The following EBF2 variants were observed in gnomAD, a reference collection of about 807,000 sequenced individuals.
EBF2 encodes the protein transcription factor COE2.
Under a neutral mutation model 72.8 loss-of-function variants are expected in EBF2, and 21 were observed. The observed-to-expected ratio is 0.29, with a 90% CI of 0.20 to 0.42. The LOEUF (loss-of-function observed/expected upper bound fraction) is 0.42, where lower values mean the gene tolerates loss of function less well. EBF2 is among the 10% of genes least tolerant of loss of function. The probability of loss-of-function intolerance (pLI) is 1.00; values close to 1 mark genes in which losing one functional copy is unlikely to be tolerated. For missense variants in EBF2, 637 were observed against 731.2 expected (o/e 0.87, Z 1.49); for synonymous variants, 299 against 274.2 (o/e 1.09, Z -0.89).
chr8:26,038,681 G>A (rs555711113), intron 5 of EBF2, among the ~76,000 whole-genome samples: 1 of 152,122 alleles, frequency 6.6e-6, no homozygotes, highest in Non-Finnish European at 1.5e-5. Context: ...TCTATCAAAC[G>A]TCCCTGAGAT....
At chr8:25,875,220 G>A (rs1802503296) in intron 10 of EBF2, among the ~76,000 whole-genome samples, 1 of 152,216 alleles carries the variant, frequency 6.6e-6, no homozygotes, top group Non-Finnish European at 1.5e-5. Flanking sequence ...CCCCAGAGCT[G>A]CATGTATCCT....
intron 7 of EBF2, among the ~76,000 whole-genome samples, chr8:25,893,387 AG>A (rs1802816539): frequency 6.7e-6 from 1 of 150,046 alleles, no homozygotes; most frequent in Non-Finnish European, 1.5e-5. Context: ...CCCAGGTTCA[AG>A]CGATTCTCCT....
At chr8:26,004,830 G>A (rs1407857777) in intron 6 of EBF2, among the ~76,000 whole-genome samples, 13 of 151,802 alleles carry the variant, frequency 8.6e-5, no homozygotes, top group Non-Finnish European at 1.5e-5. Flanking sequence ...ACTTCCAAAT[G>A]GTGACTTCGT....
At chr8:25,857,917 A>G (rs575136462) in intron 14 of EBF2, 6 of 349,418 alleles carry the variant, frequency 1.7e-5, no homozygotes, top group Admixed American at 1.2e-4. Context: ...CAGCAAAGCC[A>G]AACTTCCTTG....
At chr8:25,954,518 C>T (rs1803912937) in intron 6 of EBF2, among the ~76,000 whole-genome samples, 1 of 152,228 alleles carries the variant, frequency 6.6e-6, no homozygotes, top group Non-Finnish European at 1.5e-5. Flanking sequence ...ACAAATGCCT[C>T]AAGCTCTGAG....
At chr8:26,043,797 G>T (rs368090008) in intron 1 of EBF2, among the ~76,000 whole-genome samples, 3 of 152,166 alleles carry the variant, frequency 2.0e-5, no homozygotes, top group Non-Finnish European at 4.4e-5. Flanking sequence ...CGGCTCTTTG[G>T]GGGTAGAAGG....
chr8:25,922,345 G>C (rs966186709), intron 6 of EBF2, among the ~76,000 whole-genome samples: 3 of 151,802 alleles, frequency 2.0e-5, no homozygotes, highest in Non-Finnish European at 4.4e-5. Flanking sequence ...CTAAAAATTA[G>C]CATTTATTTT....
chr8:26,019,919 C>A (rs1458903425), intron 6 of EBF2, among the ~76,000 whole-genome samples: 2 of 152,116 alleles, frequency 1.3e-5, no homozygotes, highest in Admixed American at 1.3e-4. Flanking sequence ...AGTGGGGAGG[C>A]ACAGCTCCAC....
chr8:25,907,064 G>A (rs1198533175), intron 7 of EBF2, among the ~76,000 whole-genome samples: 2 of 151,982 alleles, frequency 1.3e-5, no homozygotes, highest in Admixed American at 1.3e-4. Flanking sequence ...AAGCTCTCCA[G>A]CAGGACCAGC....
intron 6 of EBF2, among the ~76,000 whole-genome samples, chr8:25,997,130 T>C (rs949495420): frequency 6.6e-6 from 1 of 152,092 alleles, no homozygotes; most frequent in Non-Finnish European, 1.5e-5. Flanking sequence ...TTGCAGGTGG[T>C]GTGGTGTGGT....
chr8:26,038,153 A>G (rs1331864650), intron 5 of EBF2, among the ~76,000 whole-genome samples: 2 of 152,212 alleles, frequency 1.3e-5, no homozygotes, highest in Non-Finnish European at 2.9e-5. Flanking sequence ...AATATTTGCC[A>G]TTACCCATCT....
rs565514490 is a variant in EBF2 at position 26,033,294 on chromosome 8, T to C, written c.483-141A>G. On this transcript the variant is annotated intron_variant, in intron 5 of 15. Coordinates refer to ENST00000520164, the MANE Select transcript of EBF2 (RefSeq NM_022659.4). ...TGTAGTACAATGGCTTGATGCCTCC[T>C]TCTTGGCTCACCACAACCTCTGCCT... 371 of 753,536 alleles carry C rather than the reference T, an allele frequency of 4.9e-4. 1 individual carries two copies. In the African/African-American group the frequency reaches 5.2e-3, roughly 11 times the overall value. 46.7% of individuals were successfully genotyped at this position (753,536 alleles called of 1,614,324 possible).
At chr8:25,908,697 C>G (rs1212844736) in intron 6 of EBF2, 142 bp from the exon 7 acceptor site, 1 of 630,134 alleles carries the variant, frequency 1.6e-6, no homozygotes, top group African/African-American at 1.8e-5. Flanking sequence ...TGAAGGAACA[C>G]TGCTGACCCT....
At chr8:25,854,874 A>G (rs1165889794) in intron 14 of EBF2, among the ~76,000 whole-genome samples, 3 of 152,214 alleles carry the variant, frequency 2.0e-5, no homozygotes, top group African/African-American at 7.2e-5. Context: ...TCTGAACATG[A>G]TGTAGGAATC....
At chr8:25,867,209 G>A (rs967019083) in intron 10 of EBF2, among the ~76,000 whole-genome samples, 1 of 152,200 alleles carries the variant, frequency 6.6e-6, no homozygotes, top group Admixed American at 6.5e-5. Flanking sequence ...GCATGGCTCT[G>A]TCCAACTAAT....
rs114988183 is a variant in EBF2 at position 25,895,139 on chromosome 8, G to C, written c.634-5270C>G. 7.6e-3 allele frequency among the ~76,000 whole-genome samples: 1,162 copies of C among 152,214 alleles called. 14 individuals carry two copies. The highest frequency in any genetic ancestry group is 0.026 in the African/African-American group (1,096 of 41,530). ...CAGTTTTCATTTATTTCTTAGAGTT[G>C]ATACATCTGTATTACAGCTCAAAGC... On this transcript the variant is annotated intron_variant, in intron 7 of 15. Coordinates refer to ENST00000520164, the MANE Select transcript of EBF2 (RefSeq NM_022659.4).
intron 6 of EBF2, among the ~76,000 whole-genome samples, chr8:25,991,117 A>G (rs1313221731): frequency 1.3e-5 from 2 of 152,064 alleles, no homozygotes; most frequent in Non-Finnish European, 2.9e-5. Flanking sequence ...AAAAAAATAA[A>G]AAAAAAGGAG....
intron 6 of EBF2, among the ~76,000 whole-genome samples, chr8:26,028,203 T>C (rs565302539): frequency 6.6e-6 from 1 of 152,350 alleles, no homozygotes; most frequent in South Asian, 2.1e-4. Context: ...CTTCAGTTTA[T>C]TCAGATCTTT....
intron 9 of EBF2, 71 bp from the exon 10 acceptor site, chr8:25,886,952 A>G: frequency 6.5e-7 from 1 of 1,528,286 alleles, no homozygotes; most frequent in Non-Finnish European, 8.8e-7. Context: ...AAGGTGTACA[A>G]CATCTCCCAC....
Sources: gnomAD v4.1 joint callset for allele counts (sites outside exome capture counted in the v4.1 genomes callset) on GRCh38, gnomAD v4.1.1 for gene constraint, MANE v1.5 for transcripts, NCBI Gene and HGNC (gene_info 2026-07-23, HGNC 2026-07-21) for gene names.